Variants in INO80 observed in about 807,000 individuals in gnomAD.
The protein encoded by INO80 is INO80 complex ATPase subunit, also known as chromatin-remodeling ATPase INO80.
In INO80, 20 loss-of-function variants were observed where a neutral mutation model predicts 203.4. The ratio of observed to expected loss-of-function variants is 0.10; its 90% CI spans 0.07 to 0.14. The LOEUF (loss-of-function observed/expected upper bound fraction) is 0.14. Among genes scored for constraint, INO80 ranks in the 10% least tolerant of loss-of-function variants. The probability of loss-of-function intolerance (pLI) is 1.00; values close to 1 mark genes in which losing one functional copy is unlikely to be tolerated. For synonymous variants in INO80, 726 were observed against 685.2 expected, an observed-to-expected ratio of 1.06 and a Z score of -0.93; for missense variants, 1,419 against 1,914.4, an observed-to-expected ratio of 0.74 and a Z score of 4.83.
intron 14 of INO80, among the ~76,000 whole-genome samples, chr15:41,065,377 G>A (rs980155998): frequency 1.3e-5 from 2 of 152,086 alleles, no homozygotes; most frequent in Non-Finnish European, 2.9e-5. Flanking sequence ...GGAGGTTGCA[G>A]CGAGCCAAGA....
intron 10 of INO80, among the ~76,000 whole-genome samples, 180 bp from the exon 11 acceptor site, chr15:41,073,675 T>C (rs763129777): frequency 6.6e-6 from 1 of 152,030 alleles, no homozygotes; most frequent in African/African-American, 2.4e-5. Flanking sequence ...GCAATGGAGG[T>C]GGAGGACTGC....
chr15:41,028,381 C>T (rs909896416), intron 24 of INO80, among the ~76,000 whole-genome samples: 9 of 152,190 alleles, frequency 5.9e-5, no homozygotes, highest in African/African-American at 1.9e-4. Flanking sequence ...GGTGATCCGC[C>T]TGCCTTGGCC....
At chr15:41,050,871 C>T (rs577170787) in intron 19 of INO80, among the ~76,000 whole-genome samples, 22 of 152,286 alleles carry the variant, frequency 1.4e-4, no homozygotes, top group African/African-American at 3.6e-4. Flanking sequence ...CAGTGGCTCA[C>T]GCCTGTAATC....
intron 28 of INO80, among the ~76,000 whole-genome samples, chr15:40,998,657 G>T (rs1039819589): frequency 3.3e-4 from 48 of 146,828 alleles, no homozygotes; most frequent in African/African-American, 1.0e-3. Context: ...GACAAGTTTT[G>T]TTTTTTTTTT....
At chr15:41,012,109 C>A (rs1192776549) in intron 27 of INO80, among the ~76,000 whole-genome samples, 2 of 152,146 alleles carry the variant, frequency 1.3e-5, no homozygotes, top group African/African-American at 4.8e-5. Context: ...AGAGATAAGT[C>A]ATCTGTAATA....
At position 41,005,528 on chromosome 15, in the gene INO80, A is replaced by G. The variant is rs535960536; in HGVS notation, c.3497+65T>C. On this transcript the variant is annotated intron_variant, in intron 28 of 35. Coordinates refer to ENST00000648947, the MANE Select transcript of INO80 (RefSeq NM_017553.3). ...TCCTGGCATTTAAAAAAAAAAAAAAACTTACCATTTCAAGCACTAGAGGGA... is the reference window on the plus strand; with the variant it reads ...TCCTGGCATTTAAAAAAAAAAAAAAGCTTACCATTTCAAGCACTAGAGGGA... 7 of 784,874 alleles carry G rather than the reference A, an allele frequency of 8.9e-6. No homozygotes were observed. In the East Asian group the frequency reaches 1.8e-4, roughly 21 times the overall value. 48.6% of individuals were successfully genotyped at this position (784,874 alleles called of 1,614,324 possible).
intron 4 of INO80, among the ~76,000 whole-genome samples, chr15:41,092,467 TATAC>T (rs1310697310): frequency 6.6e-6 from 1 of 152,068 alleles, no homozygotes; most frequent in Non-Finnish European, 1.5e-5. Flanking sequence ...ATAAATATCA[TATAC>T]ATACAAACTA....
chr15:41,022,468 G>A (rs1382770072), intron 25 of INO80, among the ~76,000 whole-genome samples: 1 of 150,962 alleles, frequency 6.6e-6, no homozygotes, highest in African/African-American at 2.4e-5. Flanking sequence ...ACTGAGGGAG[G>A]GGCCAATAGA....
At chr15:41,056,506 G>A (rs966421449) in intron 17 of INO80, 116 bp downstream of exon 17, 98 of 758,732 alleles carry the variant, frequency 1.3e-4, no homozygotes, top group Non-Finnish European at 6.7e-5. Context: ...TTTATGTGGG[G>A]ACTATAATTT....
intron 9 of INO80, among the ~76,000 whole-genome samples, chr15:41,075,739 C>G (rs1013010847): frequency 6.6e-6 from 1 of 152,136 alleles, no homozygotes; most frequent in African/African-American, 2.4e-5. Flanking sequence ...AAGGTGTGAG[C>G]CACCATGCCC....
intron 29 of INO80, among the ~76,000 whole-genome samples, chr15:40,996,300 T>C (rs1161118953): frequency 6.6e-6 from 1 of 152,186 alleles, no homozygotes; most frequent in Non-Finnish European, 1.5e-5. Context: ...ATTTGAATCT[T>C]AGCAATAATT....
At chr15:41,015,371 T>C (rs934165278) in intron 27 of INO80, among the ~76,000 whole-genome samples, 2 of 152,200 alleles carry the variant, frequency 1.3e-5, no homozygotes, top group Non-Finnish European at 2.9e-5. Flanking sequence ...GATTGCGATA[T>C]GTAGTCAAGT....
intron 17 of INO80, 27 bp from the exon 18 acceptor site, chr15:41,055,391 G>A: frequency 1.4e-6 from 2 of 1,444,038 alleles, no homozygotes; most frequent in African/African-American, 1.4e-5. Flanking sequence ...AAATGAAATA[G>A]CTATAGAGCA....
intron 24 of INO80, among the ~76,000 whole-genome samples, chr15:41,042,465 T>A (rs974112044): frequency 1.3e-5 from 2 of 151,814 alleles, no homozygotes; most frequent in Non-Finnish European, 2.9e-5. Context: ...AAAGCAGAGA[T>A]CTTTTAAAAC....
intron 18 of INO80, among the ~76,000 whole-genome samples, chr15:41,054,799 C>T (rs565116307): frequency 1.3e-5 from 2 of 152,176 alleles, no homozygotes; most frequent in South Asian, 2.1e-4. Context: ...CCATCATGCC[C>T]GGCTAATTTT....
intron 9 of INO80, among the ~76,000 whole-genome samples, chr15:41,077,621 C>T (rs2140617455): frequency 6.7e-6 from 1 of 149,898 alleles, no homozygotes; most frequent in East Asian, 2.0e-4. Context: ...GAGGCAGTAA[C>T]AAGAACACAG....
intron 27 of INO80, among the ~76,000 whole-genome samples, chr15:41,015,455 T>C (rs2044189576): frequency 6.6e-6 from 1 of 152,142 alleles, no homozygotes; most frequent in African/African-American, 2.4e-5. Flanking sequence ...TCCTAAATCT[T>C]GTTTTCCATA....
intron 28 of INO80, chr15:41,004,385 A>G (rs984082679): frequency 6.6e-6 from 1 of 152,248 alleles, no homozygotes; most frequent in Non-Finnish European, 1.5e-5. Flanking sequence ...GGAATTAAAA[A>G]TTGTAATCTA....
chr15:41,069,710 G>A, intron 13 of INO80, 45 bp from the exon 14 acceptor site: 2 of 1,074,878 alleles, frequency 1.9e-6, no homozygotes, highest in Middle Eastern at 2.0e-4. Context: ...AAAAGGGAAG[G>A]TATTTAATTC....
Sources: gnomAD v4.1 joint callset for allele counts (sites outside exome capture counted in the v4.1 genomes callset) on GRCh38, gnomAD v4.1.1 for gene constraint, MANE v1.5 for transcripts, NCBI Gene and HGNC (gene_info 2026-07-23, HGNC 2026-07-21) for gene names.